The following SLC2A14 variants were observed in gnomAD, a reference collection of about 807,000 sequenced individuals.
SLC2A14 encodes solute carrier family 2, facilitated glucose transporter member 14.
A neutral mutation model predicts 43.0 loss-of-function variants in SLC2A14; 13 were observed. That is an observed-to-expected ratio of 0.30 (90% CI 0.20 to 0.48). The LOEUF (loss-of-function observed/expected upper bound fraction) is 0.48, where lower values mean the gene tolerates loss of function less well. SLC2A14 is among the 20% of genes least tolerant of loss of function. The probability of loss-of-function intolerance (pLI) is 0.99; values close to 1 mark genes in which losing one functional copy is unlikely to be tolerated. For missense variants in SLC2A14, 428 were observed against 620.4 expected (o/e 0.69, Z 3.29); for synonymous variants, 190 against 233.8 (o/e 0.81, Z 1.71).
At chr12:7,886,088 A>T (rs1269869963) in intron 1 of SLC2A14, among the ~76,000 whole-genome samples, 1 of 145,008 alleles carries the variant, frequency 6.9e-6, no homozygotes, top group African/African-American at 2.5e-5. Flanking sequence ...AGGTTCAAGC[A>T]GTTCTCTGCC....
intron 2 of SLC2A14, among the ~76,000 whole-genome samples, chr12:7,853,471 G>A (rs1263610022): frequency 4.0e-5 from 6 of 150,082 alleles, no homozygotes; most frequent in Admixed American, 1.3e-4. Context: ...GCGTGGTGGC[G>A]CACCTGTAGT....
At chr12:7,822,957 C>T (rs911389626) in intron 7 of SLC2A14, among the ~76,000 whole-genome samples, 1 of 152,182 alleles carries the variant, frequency 6.6e-6, no homozygotes, top group African/African-American at 2.4e-5. Flanking sequence ...CTTGAATAAG[C>T]AGAGATTGGG....
Position 7,858,728 on chromosome 12 carries a change from A to G in SLC2A14, c.18+11135T>C, listed in dbSNP as rs181453526. On this transcript the variant is annotated intron_variant, in intron 2 of 10. Coordinates refer to ENST00000431042, the MANE Select transcript of SLC2A14 (RefSeq NM_001286234.2). ...TGGTCAGGCTGATCTCAAACTCCCA[A>G]CCTCAGGTGATCTGCCTGCCTCAGC... Among the ~76,000 whole-genome samples the G allele has an allele frequency of 2.9e-3, 441 of 151,870 alleles. 1 individual carries two copies. Among genetic ancestry groups the G allele is most frequent in the African/African-American group, 0.01 (426 of 41,418 alleles).
At chr12:7,824,958 G>C (rs1261449746) in intron 7 of SLC2A14, among the ~76,000 whole-genome samples, 1 of 151,806 alleles carries the variant, frequency 6.6e-6, no homozygotes, top group African/African-American at 2.4e-5. Context: ...GCCTCCCACA[G>C]TGCTGGGATT....
At chr12:7,873,427 A>T, upstream of SLC2A14, 5 of 913,584 alleles carry the variant, frequency 5.5e-6, no homozygotes, top group Non-Finnish European at 6.5e-6. Flanking sequence ...GGATAACTTG[A>T]GGTCAGGGGT....
intron 5 of SLC2A14, among the ~76,000 whole-genome samples, chr12:7,829,397 T>G (rs935622423): frequency 2.0e-5 from 3 of 151,568 alleles, no homozygotes; most frequent in African/African-American, 4.9e-5. Flanking sequence ...CTGTCTCTAC[T>G]AAAAATACAA....
At chr12:7,819,364 C>T in intron 9 of SLC2A14, 118 bp downstream of exon 9, 3 of 1,529,476 alleles carry the variant, frequency 2.0e-6, no homozygotes, top group Non-Finnish European at 2.6e-6. Context: ...CATCTTGCTT[C>T]TCTCCTCTGA....
chr12:7,884,357 T>C (rs1039617602), intron 1 of SLC2A14, among the ~76,000 whole-genome samples: 1 of 152,142 alleles, frequency 6.6e-6, no homozygotes, highest in Non-Finnish European at 1.5e-5. Flanking sequence ...TGAAATACTC[T>C]GATGTCCTGC....
intron 2 of SLC2A14, among the ~76,000 whole-genome samples, chr12:7,841,888 C>T (rs1865977301): frequency 6.6e-6 from 1 of 151,878 alleles, no homozygotes; most frequent in African/African-American, 2.4e-5. Flanking sequence ...GCTTGTAATC[C>T]CAATTACTCA....
At chr12:7,840,420 C>T (rs1030810037) in intron 2 of SLC2A14, among the ~76,000 whole-genome samples, 2 of 151,986 alleles carry the variant, frequency 1.3e-5, no homozygotes, top group East Asian at 3.9e-4. Flanking sequence ...GCTCTTGTCG[C>T]CTAGTCTGGA....
In SLC2A14 at chr12:7,828,722, C is replaced by T. The variant is rs373304136; in HGVS notation, c.658G>A (p.Glu220Lys). The stretch of plus-strand genomic sequence containing the variant: ...TACTCACTCCGCGTAGCATTCTCCT[C>T]TTTTTTTCTGTTAATGAGCAAAAAT... ...PRFLLINRKK[E>K]ENATRILQRL... Residue 220 changes from glutamate (E) to lysine (K), a missense_variant, in exon 6 of 11, where the codon GAG (glutamate) becomes AAG (lysine). By Grantham distance (56) the Glu-to-Lys change is moderately conservative. Transcript: ENST00000431042. The T allele has an allele frequency of 1.3e-5, 21 of 1,613,980 alleles. No homozygotes were observed. Among genetic ancestry groups the T allele is most frequent in the Non-Finnish European group, 1.5e-5 (18 of 1,179,986 alleles).
At chr12:7,865,736 TGAAA>T (rs1944872288) in intron 2 of SLC2A14, among the ~76,000 whole-genome samples, 1 of 151,960 alleles carries the variant, frequency 6.6e-6, no homozygotes, top group Non-Finnish European at 1.5e-5. Flanking sequence ...AGAATTCAAG[TGAAA>T]GAGTCAAACA....
upstream of SLC2A14, among the ~76,000 whole-genome samples, chr12:7,876,103 AC>A (rs1221416559): frequency 2.0e-5 from 3 of 151,718 alleles, 1 homozygote; most frequent in Non-Finnish European, 4.4e-5. Context: ...GCATTGTGAA[AC>A]CCATCTCTAC....
chr12:7,829,801 G>A lies in SLC2A14; in HGVS notation c.478C>T (p.Gln160Ter), dbSNP rs1226139171. 1.1e-5 allele frequency: 18 copies of A among 1,614,046 alleles called. No individual in the cohort carries two copies. The highest frequency in any genetic ancestry group is 1.5e-5 in the Non-Finnish European group (18 of 1,180,040). The change falls in exon 5 of 11, where the codon CAG becomes TAG. Residue 160 changes from glutamine (Q) to a stop codon, truncating the protein, a stop_gained. Transcript: ENST00000431042. LOFTEE classifies it high-confidence loss of function. ...AGAATTCCAATAACTATGCCCAGCT[G>A]GTTGAGAGTGCCAAAGGCACCCCTC... ...ALRGAFGTLN[Q>*]LGIVIGILVA... is the part of the protein sequence containing the mutation.
intron 2 of SLC2A14, among the ~76,000 whole-genome samples, chr12:7,863,700 CT>C (rs1442521269): frequency 6.6e-6 from 1 of 152,100 alleles, no homozygotes; most frequent in Non-Finnish European, 1.5e-5. Flanking sequence ...GACAAACATA[CT>C]GTTTATGGAG....
intron 2 of SLC2A14, chr12:7,863,523 AG>A: frequency 2.5e-6 from 1 of 399,212 alleles, no homozygotes; most frequent in South Asian, 1.8e-5. Context: ...GCTACCTGGG[AG>A]GCTGAGGCAG....
intron 2 of SLC2A14, among the ~76,000 whole-genome samples, chr12:7,853,335 A>G (rs1296735758): frequency 6.8e-6 from 1 of 146,720 alleles, no homozygotes; most frequent in Non-Finnish European, 1.5e-5. Flanking sequence ...GCTACTCAGG[A>G]GGCTGAGGCA....
In SLC2A14 at chr12:7,869,843, A is replaced by G. The variant is rs1313344704; in HGVS notation, c.18+20T>C. 7.7e-6 allele frequency: 11 copies of G among 1,424,834 alleles called. No individual in the cohort carries two copies. The highest frequency in any genetic ancestry group is 1.1e-5 in the Non-Finnish European group (11 of 1,046,524). 88.3% of individuals were successfully genotyped at this position (1,424,834 alleles called of 1,614,324 possible). On this transcript the variant is annotated intron_variant, in intron 2 of 10. Coordinates refer to ENST00000431042, the MANE Select transcript of SLC2A14 (RefSeq NM_001286234.2). ...CTCTGACAAACCAATTTGATATCTGACATCAGTTTTAATACTCACATTCTG... is the reference window on the plus strand; with the variant it reads ...CTCTGACAAACCAATTTGATATCTGGCATCAGTTTTAATACTCACATTCTG...
chr12:7,890,103 T>C (rs1348746870), intron 1 of SLC2A14, among the ~76,000 whole-genome samples: 2 of 152,056 alleles, frequency 1.3e-5, no homozygotes, highest in Non-Finnish European at 2.9e-5. Flanking sequence ...ACCTCCTATC[T>C]CATCCTATGA....
Sources: gnomAD v4.1 joint callset for allele counts (sites outside exome capture counted in the v4.1 genomes callset) on GRCh38, gnomAD v4.1.1 for gene constraint, MANE v1.5 for transcripts, NCBI Gene and HGNC (gene_info 2026-07-23, HGNC 2026-07-21) for gene names.